The following ELP1 variants were observed in gnomAD, a reference collection of about 807,000 sequenced individuals.
ELP1 encodes the protein elongator acetyltransferase complex subunit 1, also known as elongator complex protein 1.
A neutral mutation model predicts 183.2 loss-of-function variants in ELP1; 131 were observed. That is an observed-to-expected ratio of 0.72 (90% CI 0.62 to 0.83). The LOEUF (loss-of-function observed/expected upper bound fraction) is 0.83, where lower values mean the gene tolerates loss of function less well. Ranked by LOEUF, ELP1 falls within the 40% of genes least tolerant of loss-of-function variation. The pLI, the probability that ELP1 is intolerant of heterozygous loss-of-function variation, is 0.00. For missense variants in ELP1, 1,550 were observed against 1,594.9 expected (o/e 0.97, Z 0.48); for synonymous variants, 555 against 569.0 (o/e 0.98, Z 0.35).
At chr9:108,874,786 A>C in intron 36 of ELP1, 109 bp downstream of exon 36, 1 of 780,642 alleles carries the variant, frequency 1.3e-6, no homozygotes, top group East Asian at 2.5e-5. Context: ...AATTTTTTGT[A>C]GTGAAAAATT....
intron 29 of ELP1, 94 bp downstream of exon 29, chr9:108,889,238 T>C (rs1828233164): frequency 3.5e-6 from 4 of 1,157,944 alleles, no homozygotes; most frequent in Middle Eastern, 1.9e-4. Flanking sequence ...TTAACAATTA[T>C]GCACAGTTCC....
intron 5 of ELP1, among the ~76,000 whole-genome samples, chr9:108,923,288 C>T (rs182854865): frequency 6.2e-4 from 95 of 152,346 alleles, no homozygotes; most frequent in African/African-American, 2.2e-3. Context: ...AGGAGGATCA[C>T]TTGAACCCAG....
chr9:108,919,913 G>C (rs1209687694), intron 6 of ELP1, among the ~76,000 whole-genome samples: 1 of 152,070 alleles, frequency 6.6e-6, no homozygotes, highest in East Asian at 1.9e-4. Flanking sequence ...AACTCTACCG[G>C]GTGGGAGACA....
At chr9:108,871,615 G>C (rs1421187755) in intron 36 of ELP1, among the ~76,000 whole-genome samples, 2 of 152,142 alleles carry the variant, frequency 1.3e-5, no homozygotes, top group Non-Finnish European at 2.9e-5. Context: ...CCTCCTGGAT[G>C]GCAGGAGCTG....
chr9:108,899,758 A>G lies in ELP1; in HGVS notation c.2204+64T>C, dbSNP rs1458139920. 5.5e-6 allele frequency: 7 copies of G among 1,281,588 alleles called. No homozygotes were observed. In the East Asian group the frequency reaches 1.6e-4, roughly 30 times the overall value. The allele number at this position is 1,281,588 out of a possible 1,614,324, so 79.4% of individuals were successfully genotyped here. ...TTTAAGTTCTCGAAATTGTAATAAA[A>G]TACTTATTGTCTTCACACATAAATC... On this transcript the variant is annotated intron_variant, in intron 20 of 36. Coordinates refer to ENST00000374647, the MANE Select transcript of ELP1 (RefSeq NM_003640.5).
intron 35 of ELP1, 37 bp downstream of exon 35, chr9:108,877,958 G>A: frequency 6.2e-7 from 1 of 1,611,514 alleles, no homozygotes; most frequent in Non-Finnish European, 8.5e-7. Context: ...CCATGAAAAT[G>A]ATGAAAAAAA....
chr9:108,914,417 G>GC (rs1829355025), intron 10 of ELP1, among the ~76,000 whole-genome samples: 3 of 141,764 alleles, frequency 2.1e-5, no homozygotes, highest in Non-Finnish European at 4.6e-5. Flanking sequence ...AAAAAAAGGG[G>GC]GGGGGGGTTC....
intron 6 of ELP1, among the ~76,000 whole-genome samples, chr9:108,920,945 T>C (rs1040168823): frequency 6.6e-6 from 1 of 152,122 alleles, no homozygotes; most frequent in Admixed American, 6.6e-5. Flanking sequence ...CAGGTACCAG[T>C]AGTAAAGTGT....
rs557540663 is a variant in ELP1, at chr9:108,903,682, A to G, written c.1644-13T>C. ...CGCTGCAGATGAACTGACAAAAAAA[A>G]GGAGAAGGGAGTGTAAACAGACCAT... On this transcript the variant is annotated splice_polypyrimidine_tract_variant and intron_variant, in intron 14 of 36. Transcript: ENST00000374647. 165 of 1,581,318 alleles carry G rather than the reference A, an allele frequency of 1.0e-4. No individual in the cohort carries two copies. The highest frequency in any genetic ancestry group is 1.4e-4 in the Non-Finnish European group (161 of 1,150,386).
At chr9:108,928,028 CTG>C (rs1373852029) in intron 3 of ELP1, among the ~76,000 whole-genome samples, 1 of 152,146 alleles carries the variant, frequency 6.6e-6, no homozygotes, top group Admixed American at 6.5e-5. Context: ...AACTAAAAGA[CTG>C]TAATTGGATT....
chr9:108,933,481 G>A (rs990971672), intron 1 of ELP1, among the ~76,000 whole-genome samples: 2 of 152,184 alleles, frequency 1.3e-5, no homozygotes, highest in Admixed American at 1.3e-4. Context: ...GAAGCACAGA[G>A]GACACCACCT....
chr9:108,876,763 C>T (rs192359931), intron 35 of ELP1, among the ~76,000 whole-genome samples: 32 of 147,020 alleles, frequency 2.2e-4, no homozygotes, highest in African/African-American at 8.0e-4. Context: ...CGGAGATTCG[C>T]TCTTGCTGCC....
chr9:108,902,198 C>T (rs950023831), intron 16 of ELP1, among the ~76,000 whole-genome samples: 17 of 152,172 alleles, frequency 1.1e-4, no homozygotes, highest in Non-Finnish European at 4.4e-5. Flanking sequence ...GTTCCTTCTG[C>T]CTGGAGACAG....
intron 25 of ELP1, among the ~76,000 whole-genome samples, chr9:108,894,931 A>G (rs1409293049): frequency 6.6e-6 from 1 of 152,136 alleles, no homozygotes; most frequent in East Asian, 1.9e-4. Flanking sequence ...GGCTGACAGG[A>G]TAAATACATG....
At chr9:108,913,181 G>T (rs118118271) in intron 10 of ELP1, among the ~76,000 whole-genome samples, 2 of 152,292 alleles carry the variant, frequency 1.3e-5, no homozygotes, top group Non-Finnish European at 2.9e-5. Context: ...TTGGCAATTA[G>T]AGTAAAAGTA....
At position 108,879,442 on chromosome 9, in the gene ELP1, G is replaced by A. The variant is rs1348115016; in HGVS notation, c.3572+4C>T. On this transcript the variant is annotated splice_donor_region_variant and intron_variant, in intron 33 of 36. Transcript: ENST00000374647. ...TCAATGTGCTGAATCAATGTGATAC[G>A]TACGCTGATATCCTGGAGTTACTAT... 9 of 1,590,700 alleles carry A rather than the reference G, an allele frequency of 5.7e-6. No homozygotes were observed. Among genetic ancestry groups the A allele is most frequent in the Admixed American group, 1.7e-5 (1 of 59,976 alleles).
At position 108,912,484 on chromosome 9, in the gene ELP1, C is replaced by T. The variant is rs1829266738; in HGVS notation, c.969G>A (p.Trp323Ter). 6.2e-7 allele frequency: 1 copy of T among 1,612,530 alleles called. No homozygotes were observed. The highest frequency in any genetic ancestry group is 1.3e-5 in the African/African-American group (1 of 74,868). ...SSIPKTCVQLWTVGNYHWYLK... is the reference protein window; with the variant it reads ...SSIPKTCVQL ...GATACCAGTGATAGTTTCCAACAGT[C>T]CAGAGCTGAACTGCAAGGGAAAATG... The change falls in exon 11 of 37, where the codon TGG becomes TGA. Residue 323 changes from tryptophan (W) to a stop codon, truncating the protein, a stop_gained. Transcript: ENST00000374647. LOFTEE classifies it high-confidence loss of function.
intron 18 of ELP1, 53 bp downstream of exon 18, chr9:108,901,372 T>C: frequency 7.8e-7 from 1 of 1,287,996 alleles, no homozygotes; most frequent in Non-Finnish European, 1.1e-6. Flanking sequence ...TCATCAAGAC[T>C]CCAAAAGACA....
chr9:108,921,128 G>A (rs375215476), intron 6 of ELP1, among the ~76,000 whole-genome samples: 11 of 151,652 alleles, frequency 7.3e-5, no homozygotes, highest in African/African-American at 2.7e-4. Flanking sequence ...TTTTTTGGTT[G>A]TTTAAACTCA....
Sources: allele counts gnomAD v4.1 joint callset (sites outside exome capture counted in the v4.1 genomes callset), GRCh38; gene constraint gnomAD v4.1.1; transcripts MANE v1.5; gene names NCBI Gene and HGNC (gene_info 2026-07-23, HGNC 2026-07-21).